The following HHIP variants were observed in gnomAD, a reference collection of about 807,000 sequenced individuals.
HHIP encodes the protein hedgehog-interacting protein.
HHIP carries 12 observed loss-of-function variants against 74.0 expected under a neutral mutation model. The observed-to-expected ratio is 0.16, with a 90% CI of 0.10 to 0.26. The LOEUF is 0.26. HHIP is among the 10% of genes least tolerant of loss of function. HHIP has a pLI of 1.00. For missense variants in HHIP, 788 were observed against 845.0 expected, an observed-to-expected ratio of 0.93 and a Z score of 0.84; for synonymous variants, 309 against 311.6, an observed-to-expected ratio of 0.99 and a Z score of 0.09.
intron 4 of HHIP, among the ~76,000 whole-genome samples, chr4:144,696,309 C>T (rs957967772): frequency 5.9e-5 from 9 of 151,572 alleles, no homozygotes; most frequent in African/African-American, 2.2e-4. Context: ...TTTACTGGCA[C>T]AACACTACCT....
chr4:144,708,424 A>G, intron 7 of HHIP, 113 bp downstream of exon 7: 1 of 1,018,680 alleles, frequency 9.8e-7, no homozygotes, highest in Non-Finnish European at 1.5e-6. Context: ...GGTAGTATCT[A>G]AGGCCATGCC....
At chr4:144,690,603 A>T (rs938283226) in intron 4 of HHIP, among the ~76,000 whole-genome samples, 1 of 152,232 alleles carries the variant, frequency 6.6e-6, no homozygotes, top group Non-Finnish European at 1.5e-5. Flanking sequence ...GAAAGACACG[A>T]ACATGAGATG....
intron 4 of HHIP, among the ~76,000 whole-genome samples, chr4:144,679,421 G>A (rs775457894): frequency 6.6e-6 from 1 of 152,110 alleles, no homozygotes; most frequent in Non-Finnish European, 1.5e-5. Context: ...TTTTGCCATT[G>A]CTTTTGGTGT....
intron 1 of HHIP, among the ~76,000 whole-genome samples, chr4:144,647,796 T>C (rs1728307869): frequency 6.6e-6 from 1 of 152,192 alleles, no homozygotes; most frequent in Non-Finnish European, 1.5e-5. Context: ...TCTACTGTAC[T>C]CCAAGGAATC....
chr4:144,708,020 G>C (rs1166336263), intron 6 of HHIP, 148 bp from the exon 7 acceptor site: 7 of 791,098 alleles, frequency 8.8e-6, no homozygotes, highest in Non-Finnish European at 1.4e-5. Context: ...TGGGATTACA[G>C]ACGTGAGCCA....
intron 7 of HHIP, among the ~76,000 whole-genome samples, chr4:144,709,466 G>T (rs189220439): frequency 6.6e-6 from 1 of 152,286 alleles, no homozygotes; most frequent in Non-Finnish European, 1.5e-5. Context: ...AAAAACATGG[G>T]ATGAGGTGCT....
At chr4:144,666,381 T>G (rs1037244724) in intron 4 of HHIP, among the ~76,000 whole-genome samples, 4 of 152,064 alleles carry the variant, frequency 2.6e-5, no homozygotes, top group Non-Finnish European at 5.9e-5. Flanking sequence ...CAAGCCATGT[T>G]GTTAGCAGAC....
At chr4:144,647,558 A>T (rs1728302583) in intron 1 of HHIP, among the ~76,000 whole-genome samples, 1 of 152,230 alleles carries the variant, frequency 6.6e-6, no homozygotes, top group Non-Finnish European at 1.5e-5. Flanking sequence ...TTATCACATA[A>T]AACTGAGACG....
At chr4:144,711,443 T>C (rs1164466569) in intron 7 of HHIP, among the ~76,000 whole-genome samples, 2 of 152,260 alleles carry the variant, frequency 1.3e-5, no homozygotes, top group African/African-American at 2.4e-5. Flanking sequence ...ATCTAGGTTT[T>C]AAGCCCGTAT....
At chr4:144,680,275 C>T (rs998797226) in intron 4 of HHIP, among the ~76,000 whole-genome samples, 8 of 152,108 alleles carry the variant, frequency 5.3e-5, no homozygotes, top group African/African-American at 1.9e-4. Context: ...TCTGCCATAG[C>T]CATTCTAAAA....
intron 11 of HHIP, among the ~76,000 whole-genome samples, chr4:144,723,802 G>C (rs1386920457): frequency 6.6e-6 from 1 of 152,156 alleles, no homozygotes; most frequent in Non-Finnish European, 1.5e-5. Context: ...TAACACTAGA[G>C]GTCATGAACA....
At chr4:144,649,733 G>C (rs1479714811) in intron 1 of HHIP, among the ~76,000 whole-genome samples, 1 of 152,050 alleles carries the variant, frequency 6.6e-6, no homozygotes, top group Non-Finnish European at 1.5e-5. Context: ...TCAAGGAATG[G>C]GTGAAAAGTA....
chr4:144,725,944 T>A (rs1443777404), intron 11 of HHIP, among the ~76,000 whole-genome samples: 2 of 152,156 alleles, frequency 1.3e-5, no homozygotes, highest in Admixed American at 6.5e-5. Flanking sequence ...GTGCTGGGAT[T>A]ACAGACATGA....
intron 1 of HHIP, among the ~76,000 whole-genome samples, 174 bp from the exon 2 acceptor site, chr4:144,652,431 G>A (rs1338694992): frequency 6.6e-6 from 1 of 152,068 alleles, no homozygotes; most frequent in African/African-American, 2.4e-5. Context: ...CAGCTCCAGA[G>A]ACTATACTTG....
chr4:144,733,429 T>C (rs1425779599), intron 11 of HHIP, among the ~76,000 whole-genome samples: 2 of 152,144 alleles, frequency 1.3e-5, no homozygotes, highest in Non-Finnish European at 2.9e-5. Context: ...CATATATGGT[T>C]TTTATATGGT....
chr4:144,685,023 C>T (rs1007940851), intron 4 of HHIP, among the ~76,000 whole-genome samples: 13 of 152,218 alleles, frequency 8.5e-5, no homozygotes, highest in Non-Finnish European at 1.6e-4. Context: ...GAACAGCCTT[C>T]ATGAATTGCA....
chr4:144,713,370 A>G (rs189616975), intron 8 of HHIP, among the ~76,000 whole-genome samples: 77 of 152,176 alleles, frequency 5.1e-4, no homozygotes, highest in African/African-American at 1.8e-3. Flanking sequence ...TATCTTTTCT[A>G]CTTTTTTGTA....
intron 2 of HHIP, among the ~76,000 whole-genome samples, chr4:144,656,821 T>C (rs548153316): frequency 1.2e-4 from 19 of 152,120 alleles, no homozygotes; most frequent in Non-Finnish European, 2.5e-4. Context: ...TTTTTACCTC[T>C]AAGAGACTTG....
intron 4 of HHIP, among the ~76,000 whole-genome samples, chr4:144,660,871 G>C (rs1196756178): frequency 6.6e-6 from 1 of 151,956 alleles, no homozygotes; most frequent in South Asian, 2.1e-4. Context: ...TTCACAAAAA[G>C]GGCATTACTG....
Sources: allele counts gnomAD v4.1 joint callset (sites outside exome capture counted in the v4.1 genomes callset), GRCh38; gene constraint gnomAD v4.1.1; transcripts MANE v1.5; gene names NCBI Gene and HGNC (gene_info 2026-07-23, HGNC 2026-07-21).